GRIP1: variants seen among roughly 807,000 people sequenced by gnomAD.
GRIP1 encodes the protein glutamate receptor interacting protein 1.
A neutral mutation model predicts 129.9 loss-of-function variants in GRIP1; 45 were observed. The ratio of observed to expected loss-of-function variants is 0.35; its 90% confidence interval spans 0.27 to 0.44. The LOEUF (loss-of-function observed/expected upper bound fraction) is 0.44. Among genes scored for constraint, GRIP1 ranks in the 20% least tolerant of loss-of-function variants. GRIP1 has a pLI of 1.00. For synonymous variants in GRIP1, 530 were observed against 520.8 expected, an observed-to-expected ratio of 1.02 and a Z score of -0.24; for missense variants, 1,196 against 1,396.8, an observed-to-expected ratio of 0.86 and a Z score of 2.29.
chr12:66,952,082 G>A (rs1405812879), intron 1 of GRIP1, among the ~76,000 whole-genome samples: 1 of 152,026 alleles, frequency 6.6e-6, no homozygotes, highest in Non-Finnish European at 1.5e-5. Context: ...AGTGAGAAGA[G>A]GAGAGGGCAG....
intron 3 of GRIP1, among the ~76,000 whole-genome samples, chr12:66,541,395 C>T (rs1332449984): frequency 6.6e-6 from 1 of 152,196 alleles, no homozygotes; most frequent in African/African-American, 2.4e-5. Flanking sequence ...GTCTCCCATT[C>T]TTTCTAGGGT....
chr12:66,753,828 G>A (rs2037202260), intron 1 of GRIP1, among the ~76,000 whole-genome samples: 1 of 152,200 alleles, frequency 6.6e-6, no homozygotes, highest in Non-Finnish European at 1.5e-5. Flanking sequence ...GTGGTTAAAT[G>A]ACTGATAGTA....
intron 7 of GRIP1, among the ~76,000 whole-genome samples, chr12:66,482,195 G>A (rs2059825629): frequency 6.6e-6 from 1 of 152,120 alleles, no homozygotes; most frequent in African/African-American, 2.4e-5. Flanking sequence ...GGTGCCTGAT[G>A]CTCCCTGTCC....
chr12:66,902,084 T>C (rs1416979545), intron 1 of GRIP1, among the ~76,000 whole-genome samples: 1 of 152,148 alleles, frequency 6.6e-6, no homozygotes, highest in African/African-American at 2.4e-5. Flanking sequence ...GCAATTAATA[T>C]TTTTCACATG....
upstream of GRIP1, among the ~76,000 whole-genome samples, chr12:66,679,523 G>C (rs1478950521): frequency 6.6e-6 from 1 of 151,376 alleles, no homozygotes; most frequent in Non-Finnish European, 1.5e-5. Flanking sequence ...TCACAGTTCT[G>C]CCTATAGCGG....
intron 1 of GRIP1, among the ~76,000 whole-genome samples, chr12:66,840,885 G>A (rs2039703394): frequency 6.6e-6 from 1 of 152,110 alleles, no homozygotes; most frequent in Non-Finnish European, 1.5e-5. Flanking sequence ...AGGTCACTCA[G>A]CTACTATTTT....
chr12:66,628,032 C>T (rs779967594), intron 1 of GRIP1, among the ~76,000 whole-genome samples: 22 of 152,062 alleles, frequency 1.4e-4, no homozygotes, highest in Admixed American at 8.5e-4. Flanking sequence ...GCTGTAAGGA[C>T]GATGACAGAA....
chr12:66,723,304 C>CTTTTTTTTT (rs57938064), intron 1 of GRIP1, among the ~76,000 whole-genome samples: 1 of 58,426 alleles, frequency 1.7e-5, no homozygotes, highest in Non-Finnish European at 2.9e-5. Context: ...TTCTTTCTTT[C>CTTTTTTTTT]TTTTTTTTTT....
intron 23 of GRIP1, among the ~76,000 whole-genome samples, chr12:66,362,604 AC>A (rs1399215532): frequency 6.6e-6 from 1 of 151,892 alleles, no homozygotes; most frequent in African/African-American, 2.4e-5. Context: ...TGAACATTCT[AC>A]AGATAATACA....
intron 14 of GRIP1, among the ~76,000 whole-genome samples, chr12:66,426,815 A>C (rs2058002024): frequency 6.6e-6 from 1 of 152,160 alleles, no homozygotes; most frequent in Admixed American, 6.6e-5. Flanking sequence ...AAACTTGGCT[A>C]TCTGGCTTCT....
intron 1 of GRIP1, among the ~76,000 whole-genome samples, chr12:66,918,774 A>C (rs1344376140): frequency 6.6e-6 from 1 of 152,166 alleles, no homozygotes; most frequent in Admixed American, 6.6e-5. Context: ...CATTAAGCCT[A>C]AGTTCAAATA....
intron 1 of GRIP1, among the ~76,000 whole-genome samples, chr12:66,915,509 CAG>C (rs955314816): frequency 2.6e-5 from 4 of 152,166 alleles, no homozygotes; most frequent in African/African-American, 7.2e-5. Flanking sequence ...TGGAATCACA[CAG>C]AGTGTGTTCT....
chr12:67,062,885 TTAAAAATGTTTTATGAGGTTCTTAAAGAA>T (rs2135894166), intron 1 of GRIP1, among the ~76,000 whole-genome samples: 1 of 152,334 alleles, frequency 6.6e-6, no homozygotes, highest in South Asian at 2.1e-4. Flanking sequence ...ATTAGACTTT[TTAAAAATGTTTTATGAGGTTCTTAAAGAA>T]TAAAAATTAT....
chr12:66,884,785 C>T (rs568603039), intron 1 of GRIP1, among the ~76,000 whole-genome samples: 7 of 152,144 alleles, frequency 4.6e-5, no homozygotes, highest in South Asian at 2.1e-4. Flanking sequence ...ATGACTTACA[C>T]AGGTGTAGAA....
chr12:66,793,456 A>C (rs180830430), intron 1 of GRIP1, among the ~76,000 whole-genome samples: 25 of 152,332 alleles, frequency 1.6e-4, no homozygotes, highest in South Asian at 4.2e-4. Context: ...GTGGGAAAAA[A>C]AACAACAACA....
chr12:66,731,203 A>C (rs2036426085), intron 1 of GRIP1, among the ~76,000 whole-genome samples: 1 of 152,208 alleles, frequency 6.6e-6, no homozygotes, highest in African/African-American at 2.4e-5. Context: ...GATTCAAACA[A>C]AACAGAATGA....
intron 1 of GRIP1, among the ~76,000 whole-genome samples, chr12:66,971,229 G>A (rs994634193): frequency 6.6e-6 from 1 of 152,012 alleles, no homozygotes; most frequent in Non-Finnish European, 1.5e-5. Context: ...CAGATTTTGG[G>A]GTGGCAAGTG....
At chr12:66,792,005 T>G (rs1236649144) in intron 1 of GRIP1, among the ~76,000 whole-genome samples, 1 of 152,118 alleles carries the variant, frequency 6.6e-6, no homozygotes, top group African/African-American at 2.4e-5. Flanking sequence ...GCCTGGAAAG[T>G]TTAACATTCT....
chr12:66,612,020 T>C (rs1157713610), intron 1 of GRIP1, among the ~76,000 whole-genome samples: 1 of 152,172 alleles, frequency 6.6e-6, no homozygotes, highest in African/African-American at 2.4e-5. Flanking sequence ...GTTACATAAA[T>C]CTCTAAGCTT....
Sources: allele counts gnomAD v4.1 joint callset (sites outside exome capture counted in the v4.1 genomes callset), GRCh38; gene constraint gnomAD v4.1.1; transcripts MANE v1.5; gene names NCBI Gene and HGNC (gene_info 2026-07-23, HGNC 2026-07-21).